FBLN5: variants seen among roughly 807,000 people sequenced by gnomAD.
FBLN5 encodes the protein fibulin-5.
A neutral mutation model predicts 61.6 loss-of-function variants in FBLN5; 24 were observed. That is an observed-to-expected ratio of 0.39 (90% CI 0.28 to 0.55). FBLN5 has a LOEUF of 0.55. FBLN5 is among the 20% of genes least tolerant of loss of function. The pLI is 0.65. For synonymous variants in FBLN5, 213 were observed against 219.8 expected (o/e 0.97, Z 0.27); for missense variants, 470 against 594.1 (o/e 0.79, Z 2.17).
chr14:91,876,145 C>T (rs1402148878), intron 10 of FBLN5, among the ~76,000 whole-genome samples: 2 of 152,230 alleles, frequency 1.3e-5, no homozygotes, highest in Admixed American at 6.5e-5. Flanking sequence ...CTGTAGAAGA[C>T]ATGGCTCCAG....
intron 4 of FBLN5, among the ~76,000 whole-genome samples, chr14:91,921,961 C>A (rs573765193): frequency 6.6e-6 from 1 of 152,282 alleles, no homozygotes; most frequent in Non-Finnish European, 1.5e-5. Context: ...AAATCACAAG[C>A]AAACTCTGGG....
chr14:91,926,777 G>C (rs1013910116), intron 4 of FBLN5, among the ~76,000 whole-genome samples: 2 of 150,278 alleles, frequency 1.3e-5, no homozygotes, highest in African/African-American at 4.9e-5. Flanking sequence ...ACGTGGAGTG[G>C]ATCGGGGGGA....
chr14:91,905,139 C>T (rs57657259), intron 4 of FBLN5, among the ~76,000 whole-genome samples: 1 of 152,266 alleles, frequency 6.6e-6, no homozygotes, highest in African/African-American at 2.4e-5. Context: ...ACTCTCAGAG[C>T]ATGATCATGA....
chr14:91,883,871 C>G (rs192805991), intron 7 of FBLN5, among the ~76,000 whole-genome samples: 2 of 152,274 alleles, frequency 1.3e-5, no homozygotes, highest in East Asian at 3.9e-4. Context: ...TCCGCATGGG[C>G]TATGGCGGTT....
chr14:91,919,377 A>AAAAG (rs1429567898), intron 4 of FBLN5, among the ~76,000 whole-genome samples: 34 of 85,848 alleles, frequency 4.0e-4, no homozygotes, highest in Middle Eastern at 0.015. Flanking sequence ...AAAAGAAAAG[A>AAAAG]AAAGAAAGAA....
chr14:91,923,233 T>G (rs756099992), intron 4 of FBLN5, among the ~76,000 whole-genome samples: 1 of 152,144 alleles, frequency 6.6e-6, no homozygotes, highest in South Asian at 2.1e-4. Flanking sequence ...GTGCTAAGAC[T>G]AGGCTAAGCA....
intron 4 of FBLN5, among the ~76,000 whole-genome samples, chr14:91,909,006 C>T (rs1385509263): frequency 2.6e-5 from 4 of 152,052 alleles, no homozygotes; most frequent in Non-Finnish European, 5.9e-5. Flanking sequence ...CAAGCTTCAC[C>T]TCCCGGGTTC....
intron 4 of FBLN5, among the ~76,000 whole-genome samples, chr14:91,896,372 G>A (rs1890225077): frequency 6.6e-6 from 1 of 152,122 alleles, no homozygotes; most frequent in Non-Finnish European, 1.5e-5. Flanking sequence ...CCTGCACCTT[G>A]GTGGGTCACC....
intron 4 of FBLN5, among the ~76,000 whole-genome samples, chr14:91,909,208 C>T (rs112091884): frequency 4.7e-4 from 71 of 152,250 alleles, no homozygotes; most frequent in Non-Finnish European, 8.5e-4. Flanking sequence ...TGAGCCACCG[C>T]GCCCGGCCAG....
chr14:91,869,917 T>C lies in FBLN5; in HGVS notation c.*307A>G. ...TAGACTCAGACCCCCGCAAACCTAATCTATTTTCTTTGAAAATAGTGGAAA... is the reference window on the plus strand; with the variant it reads ...TAGACTCAGACCCCCGCAAACCTAACCTATTTTCTTTGAAAATAGTGGAAA... On this transcript the variant is annotated 3_prime_UTR_variant, in exon 11 of 11. Transcript: ENST00000342058. 2.6e-6 allele frequency: 1 copy of C among 390,230 alleles called. No homozygotes were observed. The highest frequency in any genetic ancestry group is 6.1e-5 in the East Asian group (1 of 16,302). The allele number at this position is 390,230 out of a possible 1,614,324, so 24.2% of individuals were successfully genotyped here. A position where few individuals can be genotyped will look rare whatever the true frequency, so the allele number is the denominator to read the frequency against.
chr14:91,936,844 G>A, intron 4 of FBLN5, 103 bp downstream of exon 4: 2 of 1,284,576 alleles, frequency 1.6e-6, no homozygotes, highest in African/African-American at 1.5e-5. Flanking sequence ...TTTCACTGGT[G>A]CATTGAATGG....
chr14:91,894,826 T>TTC, intron 5 of FBLN5, 124 bp downstream of exon 5: 2 of 159,364 alleles, frequency 1.3e-5, no homozygotes, highest in South Asian at 1.0e-4. Context: ...CTTCCACCCC[T>TTC]CCCGCCCTCC....
chr14:91,914,617 G>A (rs566946547), intron 4 of FBLN5, among the ~76,000 whole-genome samples: 2 of 150,390 alleles, frequency 1.3e-5, no homozygotes, highest in Admixed American at 1.3e-4. Context: ...CTAGGCAACA[G>A]AATGAGACTC....
chr14:91,901,453 T>C (rs897846914), intron 4 of FBLN5, among the ~76,000 whole-genome samples: 2 of 152,164 alleles, frequency 1.3e-5, no homozygotes, highest in Admixed American at 6.6e-5. Context: ...TGAAATAACA[T>C]GTTTTCCCAG....
intron 9 of FBLN5, among the ~76,000 whole-genome samples, chr14:91,878,420 A>G (rs963004166): frequency 4.6e-5 from 7 of 152,032 alleles, no homozygotes; most frequent in Non-Finnish European, 1.5e-5. Context: ...CCCTTGATTC[A>G]CCCCTAACAC....
chr14:91,931,164 G>A (rs2140038876), intron 4 of FBLN5, among the ~76,000 whole-genome samples: 1 of 152,304 alleles, frequency 6.6e-6, no homozygotes, highest in East Asian at 1.9e-4. Flanking sequence ...GAGACTCAAA[G>A]CCTGTCTGAC....
At chr14:91,931,863 G>A (rs1463298828) in intron 4 of FBLN5, among the ~76,000 whole-genome samples, 1 of 152,160 alleles carries the variant, frequency 6.6e-6, no homozygotes, top group Non-Finnish European at 1.5e-5. Context: ...TTCCTGAATG[G>A]GAGTCCACAT....
At chr14:91,899,148 G>A (rs1890352335) in intron 4 of FBLN5, among the ~76,000 whole-genome samples, 1 of 151,758 alleles carries the variant, frequency 6.6e-6, no homozygotes, top group Non-Finnish European at 1.5e-5. Context: ...GTGTTCGTGT[G>A]TGTGTGTGTG....
chr14:91,870,409 C>T (rs1485196921), intron 10 of FBLN5, 24 bp from the exon 11 acceptor site: 3 of 1,612,712 alleles, frequency 1.9e-6, no homozygotes, highest in Admixed American at 1.7e-5. Flanking sequence ...CGGGGAACAC[C>T]AGTGAGAAAA....
Sources: allele counts gnomAD v4.1 joint callset (sites outside exome capture counted in the v4.1 genomes callset), GRCh38; gene constraint gnomAD v4.1.1; transcripts MANE v1.5; gene names NCBI Gene and HGNC (gene_info 2026-07-23, HGNC 2026-07-21).